Variants in PRKG1 observed in about 807,000 individuals in gnomAD.
PRKG1 encodes cGMP-dependent protein kinase 1.
Under a neutral mutation model 88.1 loss-of-function variants are expected in PRKG1, and 35 were observed. The ratio of observed to expected loss-of-function variants is 0.40; its 90% CI spans 0.30 to 0.53. The LOEUF is 0.53. PRKG1 is among the 20% of genes least tolerant of loss of function. The probability of loss-of-function intolerance (pLI) is 0.59; values close to 1 mark genes in which losing one functional copy is unlikely to be tolerated. For synonymous variants in PRKG1, 303 were observed against 292.5 expected (o/e 1.04, Z -0.37); for missense variants, 540 against 839.8 (o/e 0.64, Z 4.41).
intron 2 of PRKG1, among the ~76,000 whole-genome samples, chr10:51,207,976 G>T (rs971100706): frequency 6.6e-6 from 1 of 152,104 alleles, no homozygotes; most frequent in African/African-American, 2.4e-5. Flanking sequence ...CTTATTCATG[G>T]TGTTATTATT....
intron 2 of PRKG1, among the ~76,000 whole-genome samples, chr10:51,205,127 C>CTTTTTTTTTTTTTTTTTTTTTTTTTTTT (rs58176913): frequency 3.9e-4 from 25 of 64,006 alleles, no homozygotes; most frequent in Non-Finnish European, 5.7e-4. Flanking sequence ...ATTTTCTTTT[C>CTTTTTTTTTTTTTTTTTTTTTTTTTTTT]TTTTTTTTTT....
At chr10:51,334,152 T>TTC (rs10568175) in intron 2 of PRKG1, among the ~76,000 whole-genome samples, 2,477 of 137,060 alleles carry the variant, frequency 0.018, 24 homozygotes, top group African/African-American at 0.037. Context: ...CTCTCTCTCT[T>TTC]TCTCTCTCTC....
chr10:51,031,171 CTT>C (rs1201582568), intron 1 of PRKG1, among the ~76,000 whole-genome samples: 1 of 151,968 alleles, frequency 6.6e-6, no homozygotes, highest in Non-Finnish European at 1.5e-5. Flanking sequence ...AGAATTCAGT[CTT>C]ATGTCTAACA....
chr10:51,674,894 G>A (rs150314605), intron 3 of PRKG1, among the ~76,000 whole-genome samples: 16 of 152,152 alleles, frequency 1.1e-4, no homozygotes, highest in African/African-American at 1.7e-4. Flanking sequence ...ATTAATATGC[G>A]AGTTAAAAAA....
intron 8 of PRKG1, among the ~76,000 whole-genome samples, chr10:52,152,497 A>C (rs1380128080): frequency 2.0e-5 from 3 of 152,138 alleles, no homozygotes; most frequent in Non-Finnish European, 4.4e-5. Flanking sequence ...CTGTATAAAG[A>C]GGAAACAATT....
At chr10:51,736,910 A>G (rs1837295495) in intron 3 of PRKG1, among the ~76,000 whole-genome samples, 3 of 151,894 alleles carry the variant, frequency 2.0e-5, no homozygotes. Flanking sequence ...TACTGGGATT[A>G]CAGATGTGAG....
At chr10:51,236,845 C>T (rs951261537) in intron 2 of PRKG1, among the ~76,000 whole-genome samples, 1 of 152,044 alleles carries the variant, frequency 6.6e-6, no homozygotes, top group African/African-American at 2.4e-5. Context: ...GCCAGTATAA[C>T]CCATTTGAAT....
intron 2 of PRKG1, among the ~76,000 whole-genome samples, chr10:51,341,749 T>C (rs939676541): frequency 1.6e-4 from 24 of 152,126 alleles, no homozygotes; most frequent in Non-Finnish European, 1.8e-4. Flanking sequence ...AAAGACATAA[T>C]TGAGACTGGG....
chr10:51,470,293 A>G (rs1840015478), intron 3 of PRKG1, among the ~76,000 whole-genome samples: 1 of 151,864 alleles, frequency 6.6e-6, no homozygotes, highest in Non-Finnish European at 1.5e-5. Context: ...TGGAGTATCA[A>G]ATGACAAGAG....
intron 3 of PRKG1, among the ~76,000 whole-genome samples, chr10:51,791,867 C>T (rs1473478640): frequency 6.6e-6 from 1 of 151,854 alleles, no homozygotes; most frequent in African/African-American, 2.4e-5. Context: ...GACCTGATGG[C>T]AGGAAAAGGA....
At chr10:52,178,603 T>G (rs1430301301) in intron 9 of PRKG1, among the ~76,000 whole-genome samples, 1 of 152,158 alleles carries the variant, frequency 6.6e-6, no homozygotes, top group Admixed American at 6.5e-5. Context: ...GGATGGATGT[T>G]GAAGTTTCCA....
intron 3 of PRKG1, among the ~76,000 whole-genome samples, chr10:51,773,436 G>A (rs1838356026): frequency 6.6e-6 from 1 of 152,012 alleles, no homozygotes; most frequent in Non-Finnish European, 1.5e-5. Flanking sequence ...GTGCATCAGG[G>A]ATGCTCTGGG....
chr10:52,146,249 G>T (rs1351072607), intron 8 of PRKG1, among the ~76,000 whole-genome samples: 1 of 152,068 alleles, frequency 6.6e-6, no homozygotes, highest in Non-Finnish European at 1.5e-5. Context: ...AGAAAGATTG[G>T]AAAGCATAGA....
intron 3 of PRKG1, among the ~76,000 whole-genome samples, chr10:51,703,153 A>G (rs1564614123): frequency 3.3e-5 from 5 of 152,356 alleles, no homozygotes; most frequent in Non-Finnish European, 7.3e-5. Flanking sequence ...GATTTGGCAA[A>G]AATATCATGC....
chr10:51,710,997 A>T, intron 3 of PRKG1, among the ~76,000 whole-genome samples: 1 of 149,364 alleles, frequency 6.7e-6, no homozygotes, highest in East Asian at 2.1e-4. Context: ...GCGCCCAGCC[A>T]GTGGGGTTTT....
At chr10:52,240,442 G>A (rs944810956) in intron 9 of PRKG1, among the ~76,000 whole-genome samples, 4 of 152,090 alleles carry the variant, frequency 2.6e-5, no homozygotes, top group Non-Finnish European at 4.4e-5. Context: ...ACCAGAAAAC[G>A]GACCATAAGT....
chr10:52,121,315 G>A (rs182983398), intron 7 of PRKG1, among the ~76,000 whole-genome samples: 1 of 152,134 alleles, frequency 6.6e-6, no homozygotes, highest in Admixed American at 6.5e-5. Flanking sequence ...TGATGAATAG[G>A]ATCTATCTTC....
At chr10:52,081,416 T>C (rs1460559077) in intron 7 of PRKG1, among the ~76,000 whole-genome samples, 1 of 152,184 alleles carries the variant, frequency 6.6e-6, no homozygotes, top group Non-Finnish European at 1.5e-5. Flanking sequence ...CAACATTATC[T>C]GATGCTTTGT....
chr10:51,034,220 ATCT>A (rs1564576707), intron 1 of PRKG1, among the ~76,000 whole-genome samples: 2 of 152,180 alleles, frequency 1.3e-5, no homozygotes, highest in Non-Finnish European at 2.9e-5. Flanking sequence ...TTGCTTTTTC[ATCT>A]GAGTTTAAAA....
Sources: gnomAD v4.1 joint callset for allele counts (sites outside exome capture counted in the v4.1 genomes callset) on GRCh38, gnomAD v4.1.1 for gene constraint, MANE v1.5 for transcripts, NCBI Gene and HGNC (gene_info 2026-07-23, HGNC 2026-07-21) for gene names.